The following TBC1D23 variants were observed in gnomAD, a reference collection of about 807,000 sequenced individuals.
TBC1D23 encodes the protein TBC1 domain family member 23, also known as HCV non-structural protein 4A-transactivated protein 1.
TBC1D23 carries 55 observed loss-of-function variants against 91.4 expected under a neutral mutation model. The ratio of observed to expected loss-of-function variants is 0.60; its 90% confidence interval spans 0.48 to 0.75. The LOEUF (loss-of-function observed/expected upper bound fraction) is 0.75. Among genes scored for constraint, TBC1D23 ranks in the 30% least tolerant of loss-of-function variants. TBC1D23 has a pLI of 0.00. For missense variants in TBC1D23, 725 were observed against 836.1 expected (o/e 0.87, Z 1.64); for synonymous variants, 289 against 281.0 (o/e 1.03, Z -0.28).
chr3:100,272,892 C>G (rs1312482641), intron 1 of TBC1D23, among the ~76,000 whole-genome samples: 1 of 152,326 alleles, frequency 6.6e-6, no homozygotes, highest in East Asian at 1.9e-4. Context: ...GGCGGTTTTC[C>G]CCTATCTCAG....
At chr3:100,299,507 G>A (rs1036169285) in intron 10 of TBC1D23, among the ~76,000 whole-genome samples, 176 bp downstream of exon 10, 3 of 152,006 alleles carry the variant, frequency 2.0e-5, no homozygotes, top group Non-Finnish European at 2.9e-5. Flanking sequence ...ACCCTTTTGT[G>A]TTTTTGTTGT....
chr3:100,276,977 G>A (rs969400204), intron 1 of TBC1D23, among the ~76,000 whole-genome samples: 2 of 152,160 alleles, frequency 1.3e-5, no homozygotes, highest in African/African-American at 2.4e-5. Context: ...TTAAAACCTT[G>A]TCTGGATGTC....
rs753205084 is a variant in TBC1D23, at chr3:100,296,207, G to A, written c.808G>A (p.Glu270Lys). 6.2e-7 allele frequency: 1 copy of A among 1,601,390 alleles called. No individual in the cohort carries two copies. Among genetic ancestry groups the A allele is most frequent in the South Asian group, 1.1e-5 (1 of 88,584 alleles). Reference protein sequence around the residue: ...LENTPSSLNIEDIEDLFSLAQ... With the variant: ...LENTPSSLNIKDIEDLFSLAQ... ...AAATACTCCATCCAGTCTGAATATA[G>A]AAGATATAGAAGACCTTTTCTCTCT... The change falls in exon 8 of 19, where the codon GAA (glutamate) becomes AAA (lysine). Residue 270 changes from glutamate (E) to lysine (K), a missense_variant. Coordinates refer to ENST00000394144, the MANE Select transcript of TBC1D23 (RefSeq NM_001199198.3).
chr3:100,285,996 G>A (rs991321038), intron 4 of TBC1D23, among the ~76,000 whole-genome samples: 3 of 151,578 alleles, frequency 2.0e-5, no homozygotes, highest in African/African-American at 7.3e-5. Flanking sequence ...TCAGATATAA[G>A]TGGACTGCAA....
chr3:100,290,356 G>C (rs756921605), intron 4 of TBC1D23, among the ~76,000 whole-genome samples: 1 of 152,156 alleles, frequency 6.6e-6, no homozygotes, highest in Non-Finnish European at 1.5e-5. Context: ...TGCTGCCTGG[G>C]TTCACCTGTG....
At position 100,290,736 on chromosome 3, in the gene TBC1D23, A is replaced by C. The variant is rs528944826; in HGVS notation, c.600+35A>C. 9 of 1,539,310 alleles carry C rather than the reference A, an allele frequency of 5.8e-6. No individual in the cohort carries two copies. In the South Asian group the frequency reaches 9.9e-5, roughly 17 times the overall value. The stretch of plus-strand genomic sequence containing the variant: ...TGAAAGTAGGAACATTTAATGAAAA[A>C]TAGATTTATGTAAAGCTATAGTTAG... On this transcript the variant is annotated intron_variant, in intron 5 of 18. Coordinates refer to ENST00000394144, the MANE Select transcript of TBC1D23 (RefSeq NM_001199198.3).
chr3:100,321,848 C>A (rs891928841), intron 18 of TBC1D23, among the ~76,000 whole-genome samples: 1 of 149,708 alleles, frequency 6.7e-6, no homozygotes, highest in African/African-American at 2.5e-5. Context: ...AAAAAAATCA[C>A]TTCATTGCTT....
intron 8 of TBC1D23, 130 bp downstream of exon 8, chr3:100,296,405 ATT>A (rs5851199): frequency 3.0e-4 from 140 of 474,076 alleles, no homozygotes; most frequent in East Asian, 8.5e-4. Flanking sequence ...GTTTTGTGTG[ATT>A]TTTTTTTTTC....
intron 1 of TBC1D23, chr3:100,261,612 T>A (rs2067511522): frequency 6.5e-6 from 1 of 152,728 alleles, no homozygotes; most frequent in Non-Finnish European, 1.5e-5. Context: ...GTTCGTCTCC[T>A]TCACGCAAGT....
chr3:100,278,772 A>T (rs899097276), intron 1 of TBC1D23, among the ~76,000 whole-genome samples: 4 of 152,252 alleles, frequency 2.6e-5, no homozygotes, highest in Non-Finnish European at 5.9e-5. Context: ...TACCTTATAC[A>T]AATGAAATTA....
At position 100,319,311 on chromosome 3, in the gene TBC1D23, T is replaced by C. The variant is rs915482473; in HGVS notation, c.1823+107T>C. Reference sequence around the variant, plus strand: ...TTATTTATCCTAGTACAATAAGATATAATTCCCTTCTGTCTACTTGTATTA... The same window carrying C: ...TTATTTATCCTAGTACAATAAGATACAATTCCCTTCTGTCTACTTGTATTA... On this transcript the variant is annotated intron_variant, in intron 17 of 18. Transcript: ENST00000394144. The C allele has an allele frequency of 7.6e-6, 7 of 918,466 alleles. No individual in the cohort carries two copies. The South Asian group carries it at 9.7e-5, about 13-fold the overall frequency. 56.9% of individuals were successfully genotyped at this position (918,466 alleles called of 1,614,324 possible).
In TBC1D23 at chr3:100,291,976, G is replaced by T. The variant is rs549854083; in HGVS notation, c.600+1275G>T. Among the ~76,000 whole-genome samples, 5 of 151,972 alleles carry T rather than the reference G, an allele frequency of 3.3e-5. No homozygotes were observed. In the East Asian group the frequency reaches 9.7e-4, roughly 29 times the overall value. ...GACGGGGTTTCACCACGATGGCCAG[G>T]CTGGTCTCGAACTCCTAACCTCAGG... On this transcript the variant is annotated intron_variant, in intron 5 of 18. Transcript: ENST00000394144.
chr3:100,283,585 AT>A, intron 3 of TBC1D23, 21 bp from the exon 4 acceptor site: 1 of 1,596,926 alleles, frequency 6.3e-7, no homozygotes, highest in Non-Finnish European at 8.6e-7. Flanking sequence ...CAGTAACTTT[AT>A]TTTTAACATT....
At chr3:100,263,845 T>C (rs2067535265) in intron 1 of TBC1D23, among the ~76,000 whole-genome samples, 1 of 152,202 alleles carries the variant, frequency 6.6e-6, no homozygotes, top group South Asian at 2.1e-4. Flanking sequence ...TGAGAATCTC[T>C]GGTTCACATG....
intron 1 of TBC1D23, among the ~76,000 whole-genome samples, chr3:100,274,648 T>C (rs915880643): frequency 2.6e-5 from 4 of 151,656 alleles, no homozygotes; most frequent in Non-Finnish European, 5.9e-5. Flanking sequence ...TTGTATAGTA[T>C]TTGTCTTTTT....
chr3:100,268,646 T>A (rs2067576612), intron 1 of TBC1D23, among the ~76,000 whole-genome samples: 1 of 152,248 alleles, frequency 6.6e-6, no homozygotes, highest in Admixed American at 6.5e-5. Context: ...CTTTGCTGTT[T>A]TCGTGCCATT....
At chr3:100,290,536 G>A in intron 4 of TBC1D23, 42 bp from the exon 5 acceptor site, 3 of 1,598,206 alleles carry the variant, frequency 1.9e-6, no homozygotes, top group Non-Finnish European at 2.6e-6. Flanking sequence ...GATTATTTCT[G>A]ATCTGTTAAT....
chr3:100,313,366 T>C (rs1246634137), intron 15 of TBC1D23, among the ~76,000 whole-genome samples: 3 of 152,168 alleles, frequency 2.0e-5, no homozygotes, highest in Non-Finnish European at 4.4e-5. Context: ...GGTTTCTTTC[T>C]AAGCTCAGTA....
intron 18 of TBC1D23, 66 bp downstream of exon 18, chr3:100,321,037 TAAAGA>T: frequency 8.2e-7 from 1 of 1,224,484 alleles, no homozygotes; most frequent in Non-Finnish European, 1.1e-6. Flanking sequence ...TAGTTCACTA[TAAAGA>T]GTTTGTTTCT....
Sources: gnomAD v4.1 joint callset for allele counts (sites outside exome capture counted in the v4.1 genomes callset) on GRCh38, gnomAD v4.1.1 for gene constraint, MANE v1.5 for transcripts, NCBI Gene and HGNC (gene_info 2026-07-23, HGNC 2026-07-21) for gene names.